The following PHF21B variants were observed in gnomAD, a reference collection of about 807,000 sequenced individuals.
The protein encoded by PHF21B is PHD finger protein 21B, also known as PHD finger protein 4.
A neutral mutation model predicts 62.2 loss-of-function variants in PHF21B; 22 were observed. The ratio of observed to expected loss-of-function variants is 0.35; its 90% CI spans 0.25 to 0.51. PHF21B has a LOEUF of 0.51. PHF21B is among the 20% of genes least tolerant of loss of function. The probability of loss-of-function intolerance (pLI) is 0.97; values close to 1 mark genes in which losing one functional copy is unlikely to be tolerated. For missense variants in PHF21B, 701 were observed against 707.9 expected, an observed-to-expected ratio of 0.99 and a Z score of 0.11; for synonymous variants, 341 against 314.7, an observed-to-expected ratio of 1.08 and a Z score of -0.88.
chr22:44,939,396 T>C (rs528409891), intron 2 of PHF21B, among the ~76,000 whole-genome samples: 9 of 152,362 alleles, frequency 5.9e-5, no homozygotes, highest in African/African-American at 1.9e-4. Flanking sequence ...AGGCCTTACC[T>C]GTCACCTTGC....
At chr22:44,917,099 T>C (rs1050891088) in intron 3 of PHF21B, among the ~76,000 whole-genome samples, 10 of 152,196 alleles carry the variant, frequency 6.6e-5, no homozygotes, top group African/African-American at 4.8e-5. Flanking sequence ...TGGGGGCTGC[T>C]GCTGCGCTCC....
chr22:44,897,682 T>C (rs1220941101), intron 5 of PHF21B, among the ~76,000 whole-genome samples: 1 of 152,206 alleles, frequency 6.6e-6, no homozygotes, highest in Non-Finnish European at 1.5e-5. Flanking sequence ...TAGTTTCAGA[T>C]TTACAGGGAA....
intron 2 of PHF21B, among the ~76,000 whole-genome samples, chr22:44,926,690 G>A (rs958159592): frequency 6.6e-5 from 10 of 152,206 alleles, no homozygotes; most frequent in Non-Finnish European, 1.0e-4. Flanking sequence ...CTGGGATGGC[G>A]ATGTGTCCAT....
chr22:45,000,971 T>A (rs2073206850), intron 2 of PHF21B: 1 of 152,168 alleles, frequency 6.6e-6, no homozygotes, highest in African/African-American at 2.4e-5. Context: ...ACTTCACAGC[T>A]GGCAAACGGA....
At chr22:44,941,753 A>G (rs2071962326) in intron 2 of PHF21B, among the ~76,000 whole-genome samples, 1 of 152,172 alleles carries the variant, frequency 6.6e-6, no homozygotes, top group Non-Finnish European at 1.5e-5. Flanking sequence ...CATTCTGGTC[A>G]GGAAACAGAC....
intron 2 of PHF21B, among the ~76,000 whole-genome samples, chr22:44,992,292 T>C (rs1000655736): frequency 3.3e-5 from 5 of 152,218 alleles, no homozygotes. Context: ...CCAGGGATGC[T>C]GGACGATGAA....
In PHF21B at chr22:45,007,830, C is replaced by A. The variant is rs1044365684; in HGVS notation, c.120+715G>T. 2.6e-5 allele frequency among the ~76,000 whole-genome samples: 4 copies of A among 151,200 alleles called. No individual in the cohort carries two copies. In the East Asian group the frequency reaches 7.9e-4, roughly 30 times the overall value. On this transcript the variant is annotated intron_variant, in intron 2 of 12. Transcript: ENST00000313237. ...CCGGGCTCTGGCGGCGGCATCTGTTCGTGGTGCTGAAACCCCGAGCGCTGA... is the reference window on the plus strand; with the variant it reads ...CCGGGCTCTGGCGGCGGCATCTGTTAGTGGTGCTGAAACCCCGAGCGCTGA...
chr22:44,933,582 G>A (rs1476948125), intron 2 of PHF21B: 9 of 972,308 alleles, frequency 9.3e-6, no homozygotes, highest in Non-Finnish European at 9.8e-6. Context: ...GAAGTGCACG[G>A]GAAGGTCTCG....
chr22:44,929,863 G>A (rs940103265), intron 2 of PHF21B, among the ~76,000 whole-genome samples: 12 of 152,184 alleles, frequency 7.9e-5, no homozygotes, highest in African/African-American at 1.9e-4. Flanking sequence ...AGGGTCCACC[G>A]GGCTGGAGGG....
intron 2 of PHF21B, among the ~76,000 whole-genome samples, chr22:44,986,047 CCACTACCAT>C (rs1312281087): frequency 6.6e-6 from 1 of 151,780 alleles, no homozygotes; most frequent in African/African-American, 2.4e-5. Context: ...AGCACCACCA[CCACTACCAT>C]CACAATGATC....
At chr22:44,988,821 C>T (rs896567279) in intron 2 of PHF21B, among the ~76,000 whole-genome samples, 2 of 152,166 alleles carry the variant, frequency 1.3e-5, no homozygotes, top group Non-Finnish European at 2.9e-5. Flanking sequence ...TTACAAACAA[C>T]AGGAGTCTAC....
chr22:44,908,254 G>T (rs527907095), intron 5 of PHF21B, among the ~76,000 whole-genome samples: 4 of 152,116 alleles, frequency 2.6e-5, no homozygotes, highest in Non-Finnish European at 4.4e-5. Flanking sequence ...CCACCTCTGA[G>T]GATCAGTGCC....
At chr22:44,990,860 G>A (rs2073031962) in intron 2 of PHF21B, among the ~76,000 whole-genome samples, 1 of 152,188 alleles carries the variant, frequency 6.6e-6, no homozygotes, top group African/African-American at 2.4e-5. Flanking sequence ...TAAAAATTTC[G>A]ATCAATGTTA....
intron 2 of PHF21B, among the ~76,000 whole-genome samples, chr22:44,928,142 G>A (rs898560174): frequency 6.6e-6 from 1 of 152,108 alleles, no homozygotes; most frequent in Non-Finnish European, 1.5e-5. Context: ...GCTCTGCCAG[G>A]GCAGAGGGGT....
At chr22:44,966,985 A>AG (rs1370171173) in intron 2 of PHF21B, 1 of 152,160 alleles carries the variant, frequency 6.6e-6, no homozygotes, top group African/African-American at 2.4e-5. Context: ...GTGCAGGTTG[A>AG]GAAAAAAACA....
rs75235794 is a variant in PHF21B at position 44,995,384 on chromosome 22, G to A, written c.120+13161C>T. Among the ~76,000 whole-genome samples, 1,199 of 152,244 alleles carry A rather than the reference G, an allele frequency of 7.9e-3. 20 individuals are homozygous for A. The highest frequency in any genetic ancestry group is 0.028 in the African/African-American group (1,153 of 41,534). On this transcript the variant is annotated intron_variant, in intron 2 of 12. Coordinates refer to ENST00000313237, the MANE Select transcript of PHF21B (RefSeq NM_138415.5). Reference sequence around the variant, plus strand: ...AACACGTTAATAAAATAACTCCAACGAGGCAGTGGCTGGGGCTGGAGTGTG... The same window carrying A: ...AACACGTTAATAAAATAACTCCAACAAGGCAGTGGCTGGGGCTGGAGTGTG...
chr22:44,906,535 C>G (rs2071253688), intron 5 of PHF21B, among the ~76,000 whole-genome samples: 1 of 152,224 alleles, frequency 6.6e-6, no homozygotes, highest in Non-Finnish European at 1.5e-5. Context: ...GGCAGCCAGA[C>G]TCATTCAGAT....
At position 44,891,407 on chromosome 22, in the gene PHF21B, C is replaced by G. The variant is rs1283523885; in HGVS notation, c.961-47G>C. 7 of 1,601,330 alleles carry G rather than the reference C, an allele frequency of 4.4e-6. No homozygotes were observed. The Admixed American group carries it at 1.2e-4, about 28-fold the overall frequency. On this transcript the variant is annotated intron_variant, in intron 7 of 12. Coordinates refer to ENST00000313237, the MANE Select transcript of PHF21B (RefSeq NM_138415.5). ...CAACACACCCCATCATCTGGAGGCT[C>G]TCTTCGATGGTGACGTCACCCCAGG...
intron 2 of PHF21B, among the ~76,000 whole-genome samples, chr22:44,967,442 C>A (rs1365513328): frequency 6.6e-6 from 1 of 152,078 alleles, no homozygotes; most frequent in Admixed American, 6.6e-5. Context: ...AGGATAGTCT[C>A]GATCTCCTGA....
Sources: allele counts gnomAD v4.1 joint callset (sites outside exome capture counted in the v4.1 genomes callset), GRCh38; gene constraint gnomAD v4.1.1; transcripts MANE v1.5; gene names NCBI Gene and HGNC (gene_info 2026-07-23, HGNC 2026-07-21).